Variants in CDH13 observed in about 807,000 individuals in gnomAD.
CDH13 encodes cadherin 13.
A neutral mutation model predicts 63.8 loss-of-function variants in CDH13; 24 were observed. The ratio of observed to expected loss-of-function variants is 0.38; its 90% CI spans 0.27 to 0.53. The LOEUF is 0.53. CDH13 is among the 20% of genes least tolerant of loss of function. The pLI is 0.85. For missense variants in CDH13, 1,049 were observed against 903.1 expected (o/e 1.16, Z -2.07); for synonymous variants, 503 against 355.3 (o/e 1.42, Z -4.67).
In CDH13 at chr16:82,644,435, G is replaced by C. The variant is rs141088526; in HGVS notation, c.45+17298G>C. 5.9e-5 allele frequency among the ~76,000 whole-genome samples: 9 copies of C among 152,208 alleles called. No individual in the cohort carries two copies. The highest frequency in any genetic ancestry group is 5.8e-4 in the East Asian group (3 of 5,176). On this transcript the variant is annotated intron_variant, in intron 1 of 13. Coordinates refer to ENST00000567109, the MANE Select transcript of CDH13 (RefSeq NM_001257.5). This position sits in a 1 kb window ranked among gnomAD's most constrained non-coding sequence, Gnocchi z 5.7. ...AACGTACTCCTGTCTGCCCTCACTC[G>C]TGGGTTGATGATTTCTATCCTTTGT...
At chr16:83,424,388 A>G (rs1021042457) in intron 6 of CDH13, among the ~76,000 whole-genome samples, 3 of 152,230 alleles carry the variant, frequency 2.0e-5, no homozygotes, top group African/African-American at 2.4e-5. Context: ...AGTAGCCTAG[A>G]GTTTAATCAC....
chr16:83,657,277 A>G (rs1488467380), intron 8 of CDH13, among the ~76,000 whole-genome samples: 2 of 152,200 alleles, frequency 1.3e-5, no homozygotes, highest in South Asian at 2.1e-4. Context: ...TTCCTGAGCC[A>G]AGTGTCCTGG....
chr16:83,454,586 G>GT (rs2151515101), intron 6 of CDH13, among the ~76,000 whole-genome samples: 2 of 152,262 alleles, frequency 1.3e-5, no homozygotes, highest in African/African-American at 4.8e-5. Context: ...GGTCCATCAA[G>GT]TAGCTGAGTC....
At chr16:82,993,281 G>A (rs1478104258) in intron 2 of CDH13, among the ~76,000 whole-genome samples, 1 of 152,154 alleles carries the variant, frequency 6.6e-6, no homozygotes, top group African/African-American at 2.4e-5. Flanking sequence ...CCACCGTAGA[G>A]CATTGGTGCT....
chr16:83,583,240 T>A (rs1422120935), intron 7 of CDH13, among the ~76,000 whole-genome samples: 1 of 152,190 alleles, frequency 6.6e-6, no homozygotes, highest in Non-Finnish European at 1.5e-5. Flanking sequence ...TCATCTCGTC[T>A]CCAGATCTTT....
chr16:83,072,339 G>C (rs905369353), intron 3 of CDH13, among the ~76,000 whole-genome samples: 1 of 152,132 alleles, frequency 6.6e-6, no homozygotes, highest in Non-Finnish European at 1.5e-5. Flanking sequence ...TTGCTGTTGT[G>C]TTTATATATA....
intron 5 of CDH13, among the ~76,000 whole-genome samples, chr16:83,287,965 G>T (rs1424185): frequency 3.9e-5 from 6 of 152,134 alleles, no homozygotes; most frequent in Non-Finnish European, 8.8e-5. Context: ...AGCAAAATAT[G>T]AACATGTTTT....
In CDH13 at chr16:83,695,386, A is replaced by C. The variant is rs1219904172; in HGVS notation, c.1538+16925A>C. Among the ~76,000 whole-genome samples, 3 of 152,308 alleles carry C rather than the reference A, an allele frequency of 2.0e-5. No individual in the cohort carries two copies. In the South Asian group the frequency reaches 6.2e-4, roughly 32 times the overall value. ...TTCTTCTTCTGTAAACTTAAATAGG[A>C]TCGCAAATGCTGTGACTCTGTGGAT... On this transcript the variant is annotated intron_variant, in intron 10 of 13. Coordinates refer to ENST00000567109, the MANE Select transcript of CDH13 (RefSeq NM_001257.5).
intron 2 of CDH13, among the ~76,000 whole-genome samples, chr16:83,012,974 G>T (rs1914312819): frequency 6.6e-6 from 1 of 152,212 alleles, no homozygotes; most frequent in Non-Finnish European, 1.5e-5. Flanking sequence ...TCTGCTGATT[G>T]TCTTTGTGGT....
At chr16:82,783,370 G>A (rs1448907631) in intron 1 of CDH13, among the ~76,000 whole-genome samples, 1 of 152,210 alleles carries the variant, frequency 6.6e-6, no homozygotes, top group Non-Finnish European at 1.5e-5. Context: ...GATGGAAGTG[G>A]CTGCATCATC....
chr16:83,025,650 C>G (rs1020373002), intron 2 of CDH13, among the ~76,000 whole-genome samples: 3 of 152,060 alleles, frequency 2.0e-5, no homozygotes, highest in African/African-American at 4.8e-5. Context: ...GGTGGTTTGC[C>G]CAACGTCACA....
At chr16:82,893,676 C>G (rs900369839) in intron 2 of CDH13, among the ~76,000 whole-genome samples, 10 of 152,196 alleles carry the variant, frequency 6.6e-5, no homozygotes, top group Admixed American at 6.5e-4. Context: ...GAAGCCAGAA[C>G]CTGAATCTCT....
At chr16:82,717,898 G>T (rs2032496233) in intron 1 of CDH13, among the ~76,000 whole-genome samples, 1 of 152,174 alleles carries the variant, frequency 6.6e-6, no homozygotes, top group African/African-American at 2.4e-5. Flanking sequence ...TTCCCAAAAT[G>T]CATGTGTCAT....
chr16:83,451,471 G>C (rs537525865), intron 6 of CDH13, among the ~76,000 whole-genome samples: 1 of 152,308 alleles, frequency 6.6e-6, no homozygotes, highest in African/African-American at 2.4e-5. Context: ...TACAATTCAA[G>C]ATTTGGGTGG....
intron 7 of CDH13, among the ~76,000 whole-genome samples, chr16:83,598,820 G>A (rs892418609): frequency 4.0e-4 from 61 of 152,096 alleles, no homozygotes; most frequent in Admixed American, 4.0e-3. Flanking sequence ...GGTTACAGGT[G>A]GCCACTACTA....
intron 7 of CDH13, among the ~76,000 whole-genome samples, chr16:83,590,224 G>A (rs8049756): frequency 0.19 from 28,275 of 152,024 alleles, 3,141 homozygotes; most frequent in African/African-American, 0.32. Context: ...GGTGGAGAGG[G>A]GCATAGAAGA....
chr16:82,731,170 A>C (rs2033384269), intron 1 of CDH13, among the ~76,000 whole-genome samples: 1 of 152,168 alleles, frequency 6.6e-6, no homozygotes, highest in Non-Finnish European at 1.5e-5. Context: ...TTTGAACTAG[A>C]ATGGCAGTCA....
chr16:83,691,888 C>G (rs1032401815), intron 10 of CDH13, among the ~76,000 whole-genome samples: 5 of 152,182 alleles, frequency 3.3e-5, no homozygotes, highest in African/African-American at 1.2e-4. Context: ...TACTTTGTCC[C>G]AGGCACTGTT....
At chr16:83,030,640 TAA>T (rs35207887) in intron 2 of CDH13, among the ~76,000 whole-genome samples, 29,756 of 92,330 alleles carry the variant, frequency 0.32, 3,997 homozygotes, top group Middle Eastern at 0.37. Flanking sequence ...AAGACTCTGT[TAA>T]AAAAAAAAAA....
Sources: gnomAD v4.1 joint callset for allele counts (sites outside exome capture counted in the v4.1 genomes callset) on GRCh38, gnomAD v4.1.1 for gene constraint, Gnocchi (gnomAD v3.1) non-coding constraint, MANE v1.5 for transcripts, NCBI Gene and HGNC (gene_info 2026-07-23, HGNC 2026-07-21) for gene names.